Variants in MAP4K4 observed in about 807,000 individuals in gnomAD.
MAP4K4 encodes the protein mitogen-activated protein kinase kinase kinase kinase 4, also known as HPK/GCK-like kinase HGK.
In MAP4K4, 38 loss-of-function variants were observed where a neutral mutation model predicts 189.6. The ratio of observed to expected loss-of-function variants is 0.20; its 90% CI spans 0.15 to 0.26. The LOEUF (loss-of-function observed/expected upper bound fraction) is 0.26. MAP4K4 is among the 10% of genes least tolerant of loss of function. The pLI is 1.00. For synonymous variants in MAP4K4, 610 were observed against 624.3 expected (o/e 0.98, Z 0.34); for missense variants, 1,054 against 1,726.9 (o/e 0.61, Z 6.91).
intron 2 of MAP4K4, among the ~76,000 whole-genome samples, chr2:101,721,435 C>CTTTT (rs397872119): frequency 2.3e-5 from 3 of 131,574 alleles, no homozygotes; most frequent in Admixed American, 7.8e-5. Context: ...TAGTATATTG[C>CTTTT]TTTTTTTTTT....
At position 101,811,635 on chromosome 2, in the gene MAP4K4, C is replaced by T. The variant is rs560195005; in HGVS notation, c.181-12293C>T. Among the ~76,000 whole-genome samples the T allele has an allele frequency of 3.9e-4, 60 of 152,256 alleles. 1 individual carries two copies. The highest frequency in any genetic ancestry group is 8.8e-5 in the Non-Finnish European group (6 of 68,022). ...CATGTGTCTCTTTGACGAGCCATCTCTCTCCCTGTCCTGCCCCTGCTTGCT... is the reference window on the plus strand; with the variant it reads ...CATGTGTCTCTTTGACGAGCCATCTTTCTCCCTGTCCTGCCCCTGCTTGCT... On this transcript the variant is annotated intron_variant, in intron 3 of 32. Transcript: ENST00000324219.
chr2:101,853,558 C>T (rs529052502), intron 12 of MAP4K4, among the ~76,000 whole-genome samples: 2 of 152,072 alleles, frequency 1.3e-5, no homozygotes, highest in South Asian at 4.1e-4. Flanking sequence ...TTAATAGATG[C>T]TCTAGGAAGT....
chr2:101,864,152 T>A, intron 17 of MAP4K4, 101 bp downstream of exon 17: 1 of 533,926 alleles, frequency 1.9e-6, no homozygotes, highest in Non-Finnish European at 2.9e-6. Flanking sequence ...TGACCAAATT[T>A]AAAGGGGCAT....
At chr2:101,714,955 G>A (rs776061974) in intron 2 of MAP4K4, among the ~76,000 whole-genome samples, 6 of 152,162 alleles carry the variant, frequency 3.9e-5, no homozygotes, top group Non-Finnish European at 8.8e-5. Flanking sequence ...ACTATTCAGA[G>A]AATGTGGTAA....
At chr2:101,893,160 G>C (rs1559373255) in exon 33 of MAP4K4, 1 of 455,700 alleles carries the variant, frequency 2.2e-6, no homozygotes, top group Admixed American at 2.4e-5. Flanking sequence ...CCATCTTTTT[G>C]AAAAAGGCCC....
Position 101,871,181 on chromosome 2 carries a change from T to C in MAP4K4, c.2761-313T>C, listed in dbSNP as rs967892785. On this transcript the variant is annotated intron_variant, in intron 23 of 32. Transcript: ENST00000324219. ...AGAATCCACAGGTACTTTCTGGAGC[T>C]TTGCAAAGAAAGATTTAAAAAGAAA... Among the ~76,000 whole-genome samples, 19 of 151,982 alleles carry C rather than the reference T, an allele frequency of 1.3e-4. 1 individual carries two copies. Among genetic ancestry groups the C allele is most frequent in the Admixed American group, 1.1e-3 (17 of 15,250 alleles).
chr2:101,792,511 T>C (rs927619714), intron 3 of MAP4K4, among the ~76,000 whole-genome samples: 21 of 152,218 alleles, frequency 1.4e-4, no homozygotes, highest in African/African-American at 5.1e-4. Flanking sequence ...GTGCAATATG[T>C]GATCACTGTA....
intron 23 of MAP4K4, 118 bp downstream of exon 23, chr2:101,870,533 C>G: frequency 7.1e-7 from 1 of 1,408,906 alleles, no homozygotes. Flanking sequence ...TTAACAAGTC[C>G]CAGAGGGTCA....
At chr2:101,834,707 C>G (rs932137497) in intron 8 of MAP4K4, among the ~76,000 whole-genome samples, 5 of 152,198 alleles carry the variant, frequency 3.3e-5, no homozygotes, top group African/African-American at 1.2e-4. Flanking sequence ...AAGTTGTACT[C>G]ACATGTGTGA....
At chr2:101,751,149 T>C (rs2068739132) in intron 2 of MAP4K4, among the ~76,000 whole-genome samples, 1 of 152,214 alleles carries the variant, frequency 6.6e-6, no homozygotes, top group South Asian at 2.1e-4. Context: ...CAGCTATGCA[T>C]TGGCATTTTT....
chr2:101,819,880 G>A (rs949076275), intron 3 of MAP4K4, among the ~76,000 whole-genome samples: 4 of 152,212 alleles, frequency 2.6e-5, no homozygotes, highest in Admixed American at 6.5e-5. Flanking sequence ...ACATAAAATA[G>A]TGTTGGGCTC....
At chr2:101,836,402 T>C (rs1224718075) in intron 9 of MAP4K4, among the ~76,000 whole-genome samples, 2 of 152,102 alleles carry the variant, frequency 1.3e-5, no homozygotes, top group East Asian at 3.9e-4. Context: ...CTGACCAACA[T>C]GGAGAAACCC....
intron 2 of MAP4K4, among the ~76,000 whole-genome samples, chr2:101,789,977 C>T (rs2092573399): frequency 6.6e-6 from 1 of 151,954 alleles, no homozygotes; most frequent in Admixed American, 6.6e-5. Context: ...CCCTCATCCC[C>T]CCGACTTCTT....
At chr2:101,703,112 A>G (rs1382912583) in intron 2 of MAP4K4, among the ~76,000 whole-genome samples, 1 of 152,012 alleles carries the variant, frequency 6.6e-6, no homozygotes, top group African/African-American at 2.4e-5. Context: ...AGAGTAGGGG[A>G]CTTGATCCAG....
At chr2:101,797,015 T>C (rs1329205731) in intron 3 of MAP4K4, among the ~76,000 whole-genome samples, 2 of 152,222 alleles carry the variant, frequency 1.3e-5, no homozygotes, top group African/African-American at 2.4e-5. Context: ...TGACCACGCA[T>C]GGGCAGGACA....
chr2:101,763,144 C>G (rs1399190761), intron 2 of MAP4K4, among the ~76,000 whole-genome samples: 1 of 152,206 alleles, frequency 6.6e-6, no homozygotes, highest in Non-Finnish European at 1.5e-5. Flanking sequence ...TGTAAGTCCA[C>G]TCTGTCATTA....
intron 2 of MAP4K4, among the ~76,000 whole-genome samples, chr2:101,778,781 T>C (rs2085710881): frequency 1.3e-5 from 2 of 152,112 alleles, no homozygotes; most frequent in African/African-American, 4.8e-5. Context: ...CTGCTGTTGG[T>C]GCCTTAGTGG....
chr2:101,706,625 T>A (rs1413255212), intron 2 of MAP4K4, among the ~76,000 whole-genome samples: 2 of 152,236 alleles, frequency 1.3e-5, no homozygotes, highest in Non-Finnish European at 2.9e-5. Flanking sequence ...AGATAATTTA[T>A]TGTTGCAAGA....
intron 2 of MAP4K4, among the ~76,000 whole-genome samples, chr2:101,746,613 G>A (rs1432696744): frequency 2.0e-5 from 3 of 152,048 alleles, no homozygotes; most frequent in Non-Finnish European, 4.4e-5. Flanking sequence ...TAAAAATGTT[G>A]TCTTTGGGAT....
Sources: gnomAD v4.1 joint callset for allele counts (sites outside exome capture counted in the v4.1 genomes callset) on GRCh38, gnomAD v4.1.1 for gene constraint, MANE v1.5 for transcripts, NCBI Gene and HGNC (gene_info 2026-07-23, HGNC 2026-07-21) for gene names.